MYT1L: variants seen among roughly 807,000 people sequenced by gnomAD.
MYT1L encodes the protein myelin transcription factor 1 like.
In MYT1L, 12 loss-of-function variants were observed where a neutral mutation model predicts 126.7. That is an observed-to-expected ratio of 0.09 (90% CI 0.06 to 0.15). MYT1L has a LOEUF of 0.15. MYT1L is among the 10% of genes least tolerant of loss of function. MYT1L has a pLI of 1.00. For missense variants in MYT1L, 979 were observed against 1,585.2 expected (o/e 0.62, Z 6.49); for synonymous variants, 541 against 604.2 (o/e 0.90, Z 1.53).
Position 1,973,830 on chromosome 2 carries a change from T to C in MYT1L, c.152+5335A>G, listed in dbSNP as rs532787197. On this transcript the variant is annotated intron_variant, in intron 8 of 24. Transcript: ENST00000647738. ...AGGCAATGAGCTCAGTAGCAGCAGA[T>C]GCAGCTCCCCAGGCCTCCCACACCA... Among the ~76,000 whole-genome samples, 15 of 152,322 alleles carry C rather than the reference T, an allele frequency of 9.8e-5. No homozygotes were observed. In the East Asian group the frequency reaches 1.9e-3, roughly 20 times the overall value.
intron 2 of MYT1L, among the ~76,000 whole-genome samples, chr2:2,277,468 C>T (rs1032573987): frequency 1.3e-5 from 2 of 152,216 alleles, no homozygotes; most frequent in African/African-American, 4.8e-5. Context: ...GAACAGACTG[C>T]ACACAGGTGC....
At chr2:2,314,587 A>T (rs139963107) in intron 1 of MYT1L, among the ~76,000 whole-genome samples, 1 of 152,166 alleles carries the variant, frequency 6.6e-6, no homozygotes, top group Non-Finnish European at 1.5e-5. Context: ...TCTGGGATAC[A>T]TGTGCAGGAT....
rs549600624 is a variant in MYT1L at position 2,224,814 on chromosome 2, G to A, written c.-420-51826C>T. ...AGCCTGGGCAACAGAGCAAGACTCC[G>A]TCTCAAAAGAAAAAAAAAAAAAGGA... On this transcript the variant is annotated intron_variant, in intron 2 of 24. Coordinates refer to ENST00000647738, the MANE Select transcript of MYT1L (RefSeq NM_001303052.2). The surrounding 1 kb of genome is among the most constrained non-coding windows in gnomAD (Gnocchi z 4.0). Among the ~76,000 whole-genome samples the A allele has an allele frequency of 3.9e-4, 45 of 115,830 alleles. No homozygotes were observed. The highest frequency in any genetic ancestry group is 4.9e-4 in the Non-Finnish European group (27 of 54,814). The allele number at this position is 115,830 out of a possible 152,430, so 76.0% of individuals were successfully genotyped here. A position where few individuals can be genotyped will look rare whatever the true frequency, so the allele number is the denominator to read the frequency against.
intron 3 of MYT1L, among the ~76,000 whole-genome samples, chr2:2,066,785 C>T (rs772168316): frequency 5.9e-5 from 9 of 152,184 alleles, no homozygotes; most frequent in South Asian, 2.1e-4. Flanking sequence ...GACCAGATGG[C>T]GGAGCTCAGG....
chr2:1,806,264 A>G lies in MYT1L; in HGVS notation c.3172+2812T>C, dbSNP rs1243824834. On this transcript the variant is annotated intron_variant, in intron 22 of 24. Coordinates refer to ENST00000647738, the MANE Select transcript of MYT1L (RefSeq NM_001303052.2). The surrounding 1 kb of genome is among the most constrained non-coding windows in gnomAD (Gnocchi z 4.9). Reference sequence around the variant, plus strand: ...CTTGGACTTAGGAAGACCCACTTCCACCACCTGTTCTCCCAGTGACCTGCA... The same window carrying G: ...CTTGGACTTAGGAAGACCCACTTCCGCCACCTGTTCTCCCAGTGACCTGCA... Among the ~76,000 whole-genome samples the G allele has an allele frequency of 6.6e-6, 1 of 152,192 alleles. No individual in the cohort carries two copies. Among genetic ancestry groups the G allele is most frequent in the African/African-American group, 2.4e-5 (1 of 41,448 alleles).
chr2:1,859,491 A>G (rs539346308), intron 18 of MYT1L, among the ~76,000 whole-genome samples: 1 of 152,340 alleles, frequency 6.6e-6, no homozygotes, highest in East Asian at 1.9e-4. Flanking sequence ...ATGAAACACC[A>G]AAGTTCTGGT....
At chr2:2,037,738 C>G (rs1262416773) in intron 4 of MYT1L, among the ~76,000 whole-genome samples, 2 of 151,376 alleles carry the variant, frequency 1.3e-5, no homozygotes, top group Admixed American at 1.3e-4. Context: ...GCCTGGGAGA[C>G]AGAGCCAGAC....
intron 1 of MYT1L, among the ~76,000 whole-genome samples, chr2:2,309,636 C>T (rs544114221): frequency 3.3e-5 from 5 of 152,024 alleles, no homozygotes; most frequent in East Asian, 1.9e-4. Context: ...CTTTGATATA[C>T]TCTACCCATA....
chr2:2,291,756 G>A (rs1273355531), intron 1 of MYT1L, among the ~76,000 whole-genome samples: 1 of 152,184 alleles, frequency 6.6e-6, no homozygotes, highest in Non-Finnish European at 1.5e-5. Flanking sequence ...CTGGCTCCCC[G>A]ACCCACGCAC....
intron 18 of MYT1L, among the ~76,000 whole-genome samples, chr2:1,865,833 A>G (rs2045391558): frequency 6.6e-6 from 1 of 152,190 alleles, no homozygotes; most frequent in Non-Finnish European, 1.5e-5. Context: ...CTGTGTTTAC[A>G]ACATCTTCCT....
chr2:1,834,471 CCATAGT>C (rs1344592087), intron 21 of MYT1L, among the ~76,000 whole-genome samples: 7 of 152,208 alleles, frequency 4.6e-5, no homozygotes, highest in Non-Finnish European at 2.9e-5. Flanking sequence ...CAGAGAAAAA[CCATAGT>C]CAACACATGA....
chr2:2,102,604 ATGTGTG>A (rs3047992), intron 3 of MYT1L, among the ~76,000 whole-genome samples: 5,196 of 143,092 alleles, frequency 0.036, 113 homozygotes, highest in South Asian at 0.094. Flanking sequence ...CCTCTTGGGA[ATGTGTG>A]TGTGTGTGTG....
intron 1 of MYT1L, among the ~76,000 whole-genome samples, chr2:2,311,663 A>C (rs2095973198): frequency 6.6e-6 from 1 of 152,068 alleles, no homozygotes; most frequent in African/African-American, 2.4e-5. Context: ...CTCTTCTCAA[A>C]CTATGGCTGG....
chr2:2,132,606 A>T (rs1311108979), intron 3 of MYT1L, among the ~76,000 whole-genome samples: 1 of 152,086 alleles, frequency 6.6e-6, no homozygotes, highest in Admixed American at 6.6e-5. Flanking sequence ...AGAGCGTTAG[A>T]ACAAATATCC....
chr2:1,932,139 T>C (rs2055090022), intron 9 of MYT1L, among the ~76,000 whole-genome samples: 1 of 152,082 alleles, frequency 6.6e-6, no homozygotes, highest in Non-Finnish European at 1.5e-5. Context: ...TTTTGGAAGA[T>C]CCCCCACAGC....
chr2:2,032,679 C>T (rs1158948704), intron 4 of MYT1L, among the ~76,000 whole-genome samples: 2 of 120,980 alleles, frequency 1.7e-5, no homozygotes, highest in African/African-American at 6.8e-5. Flanking sequence ...ACACACCCCT[C>T]GCAAGTGCCT....
intron 2 of MYT1L, among the ~76,000 whole-genome samples, chr2:2,199,784 A>T (rs1263340083): frequency 6.6e-6 from 1 of 152,188 alleles, no homozygotes; most frequent in Non-Finnish European, 1.5e-5. Flanking sequence ...ACTGTTCAAC[A>T]GCAGTGTCAC....
At position 1,837,583 on chromosome 2, in the gene MYT1L, G is replaced by A. The variant is rs557873388; in HGVS notation, c.3080+1566C>T. ...GTTGTGTGCACAAGGACGTTCACGC[G>A]GAGTTCTTTGTAACAATCAAACCTG... is the stretch of plus-strand genomic sequence containing the variant. On this transcript the variant is annotated intron_variant, in intron 21 of 24. Coordinates refer to ENST00000647738, the MANE Select transcript of MYT1L (RefSeq NM_001303052.2). Among the ~76,000 whole-genome samples the A allele has an allele frequency of 1.9e-4, 29 of 152,214 alleles. No individual in the cohort carries two copies. In the East Asian group the frequency reaches 4.1e-3, roughly 21 times the overall value.
rs1558595183 is a variant in MYT1L at position 1,801,251 on chromosome 2, CA to C, written c.3276+444del. On this transcript the variant is annotated intron_variant, in intron 23 of 24. Coordinates refer to ENST00000647738, the MANE Select transcript of MYT1L (RefSeq NM_001303052.2). The surrounding 1 kb of genome is among the most constrained non-coding windows in gnomAD (Gnocchi z 4.2). ...ATCCCCAGGCTCTGCAGCTGCAAGT[CA>C]CTGGGGCCACTTCCCCAAATCCCAG... 6.4e-6 allele frequency: 1 copy of C among 155,444 alleles called. No homozygotes were observed. Among genetic ancestry groups the C allele is most frequent in the Non-Finnish European group, 1.4e-5 (1 of 70,508 alleles). 9.6% of individuals were successfully genotyped at this position (155,444 alleles called of 1,614,324 possible). A position where few individuals can be genotyped will look rare whatever the true frequency, so the allele number is the denominator to read the frequency against.
Sources: gnomAD v4.1 joint callset for allele counts (sites outside exome capture counted in the v4.1 genomes callset) on GRCh38, gnomAD v4.1.1 for gene constraint, Gnocchi (gnomAD v3.1) non-coding constraint, MANE v1.5 for transcripts, NCBI Gene and HGNC (gene_info 2026-07-23, HGNC 2026-07-21) for gene names.